GRAMD1B: variants seen among roughly 807,000 people sequenced by gnomAD.
The protein encoded by GRAMD1B is protein Aster-B.
A neutral mutation model predicts 99.7 loss-of-function variants in GRAMD1B; 37 were observed. The observed-to-expected ratio is 0.37, with a 90% CI of 0.29 to 0.49. GRAMD1B has a LOEUF of 0.49. Ranked by LOEUF, GRAMD1B falls within the 20% of genes least tolerant of loss-of-function variation. The probability of loss-of-function intolerance (pLI) is 0.98; values close to 1 mark genes in which losing one functional copy is unlikely to be tolerated. For missense variants in GRAMD1B, 888 were observed against 1,009.2 expected, an observed-to-expected ratio of 0.88 and a Z score of 1.63; for synonymous variants, 427 against 387.6, an observed-to-expected ratio of 1.10 and a Z score of -1.19.
chr11:123,467,493 C>T (rs933301389), intron 1 of GRAMD1B, among the ~76,000 whole-genome samples: 3 of 145,188 alleles, frequency 2.1e-5, no homozygotes, highest in Non-Finnish European at 1.5e-5. Flanking sequence ...CGCTGTCAGG[C>T]TTGAGATGCA....
At chr11:123,447,522 A>G (rs534862425) in intron 1 of GRAMD1B, among the ~76,000 whole-genome samples, 1 of 152,272 alleles carries the variant, frequency 6.6e-6, no homozygotes, top group South Asian at 2.1e-4. Context: ...TTTTCCTAGG[A>G]CGACTGCCCC....
At chr11:123,511,572 C>T (rs1286290588) in intron 2 of GRAMD1B, among the ~76,000 whole-genome samples, 4 of 152,102 alleles carry the variant, frequency 2.6e-5, no homozygotes, top group Non-Finnish European at 4.4e-5. Flanking sequence ...CAGCCCCAAC[C>T]CCAGCTCCAG....
Position 123,492,861 on chromosome 11 carries a change from CACAT to C in GRAMD1B, c.452+11972_452+11975del, listed in dbSNP as rs1455931465. ...TCTCTCTCTCTGTCTCTCTCTTTCA[CACAT>C]ACACACACACACACACACACACACA... On this transcript the variant is annotated intron_variant, in intron 2 of 19. Coordinates refer to ENST00000635736, the MANE Select transcript of GRAMD1B (RefSeq NM_001387025.1). The surrounding 1 kb of genome is among the most constrained non-coding windows in gnomAD (Gnocchi z 4.2). Among the ~76,000 whole-genome samples, 39 of 137,646 alleles carry C rather than the reference CACAT, an allele frequency of 2.8e-4. No homozygotes were observed. The highest frequency in any genetic ancestry group is 9.3e-4 in the South Asian group (4 of 4,288). The allele number at this position is 137,646 out of a possible 152,430, so 90.3% of individuals were successfully genotyped here.
Position 123,611,914 on chromosome 11 carries a change from A to G in GRAMD1B, c.1920-847A>G, listed in dbSNP as rs114746653. 4.1e-3 allele frequency among the ~76,000 whole-genome samples: 618 copies of G among 152,180 alleles called. 4 individuals are homozygous for G. The highest frequency in any genetic ancestry group is 0.014 in the African/African-American group (581 of 41,516). On this transcript the variant is annotated intron_variant, in intron 14 of 19. Coordinates refer to ENST00000635736, the MANE Select transcript of GRAMD1B (RefSeq NM_001387025.1). ...TCTATTGACAGATGCAGATGAACCT[A>G]AGGGGGAGGCAAAGAGCAGGGCTGC...
intron 3 of GRAMD1B, among the ~76,000 whole-genome samples, chr11:123,578,631 C>A (rs1003540861): frequency 6.6e-6 from 1 of 152,142 alleles, no homozygotes; most frequent in African/African-American, 2.4e-5. Context: ...CACCTGATGT[C>A]GGAGAACAGA....
chr11:123,493,588 G>A (rs866083090), intron 2 of GRAMD1B, among the ~76,000 whole-genome samples: 1 of 152,332 alleles, frequency 6.6e-6, no homozygotes, highest in Middle Eastern at 3.4e-3. Context: ...TGGCAGTTGT[G>A]TGGACGGGCT....
rs906794717 is a variant in GRAMD1B, at chr11:123,610,957, C to T, written c.1919+619C>T. ...TCCAAAGGAAGGAAGACATTTAGACCCTGACATTTTAAGAAACTTGTAGTC... is the reference window on the plus strand; with the variant it reads ...TCCAAAGGAAGGAAGACATTTAGACTCTGACATTTTAAGAAACTTGTAGTC... On this transcript the variant is annotated intron_variant, in intron 14 of 19. Coordinates refer to ENST00000635736, the MANE Select transcript of GRAMD1B (RefSeq NM_001387025.1). The surrounding 1 kb of genome is among the most constrained non-coding windows in gnomAD (Gnocchi z 4.1). 2.6e-5 allele frequency among the ~76,000 whole-genome samples: 4 copies of T among 152,136 alleles called. No individual in the cohort carries two copies. The highest frequency in any genetic ancestry group is 9.7e-5 in the African/African-American group (4 of 41,426).
chr11:123,451,465 T>C (rs1410411044), intron 1 of GRAMD1B, among the ~76,000 whole-genome samples: 1 of 152,222 alleles, frequency 6.6e-6, no homozygotes, highest in Admixed American at 6.5e-5. Context: ...CTTTCTTTGT[T>C]GTACCATACG....
intron 2 of GRAMD1B, among the ~76,000 whole-genome samples, chr11:123,500,041 A>C (rs552285714): frequency 1.6e-4 from 25 of 152,130 alleles, no homozygotes; most frequent in South Asian, 6.2e-4. Flanking sequence ...AAATAAGGGT[A>C]TTTTGGCCGG....
At chr11:123,428,343 C>T (rs1340061219), upstream of GRAMD1B, among the ~76,000 whole-genome samples, 1 of 152,294 alleles carries the variant, frequency 6.6e-6, no homozygotes, top group South Asian at 2.1e-4. Context: ...GAAGAGGTGA[C>T]CTTGGCAGGC....
At chr11:123,441,367 G>A (rs2134267109) in intron 1 of GRAMD1B, among the ~76,000 whole-genome samples, 1 of 152,256 alleles carries the variant, frequency 6.6e-6, no homozygotes, top group African/African-American at 2.4e-5. Flanking sequence ...GCCGGGTGTG[G>A]TGGTTCACGC....
At chr11:123,359,879 A>G (rs950868151) in intron 1 of GRAMD1B, among the ~76,000 whole-genome samples, 3 of 152,206 alleles carry the variant, frequency 2.0e-5, no homozygotes, top group Non-Finnish European at 2.9e-5. Flanking sequence ...TCCTCTGCCA[A>G]CGCCTACATG....
chr11:123,580,612 C>T (rs1010253814), intron 3 of GRAMD1B, among the ~76,000 whole-genome samples: 4 of 152,186 alleles, frequency 2.6e-5, no homozygotes, highest in Admixed American at 1.3e-4. Flanking sequence ...CGCTAAGGCC[C>T]GACCCCTCTG....
At chr11:123,595,059 G>C (rs567256650) in intron 6 of GRAMD1B, among the ~76,000 whole-genome samples, 73 of 152,278 alleles carry the variant, frequency 4.8e-4, no homozygotes, top group African/African-American at 1.7e-3. Context: ...GTGGAAGAGA[G>C]GACTGGGAAC....
rs150548700 is a variant in GRAMD1B at position 123,611,123 on chromosome 11, G to A, written c.1919+785G>A. On this transcript the variant is annotated intron_variant, in intron 14 of 19. Coordinates refer to ENST00000635736, the MANE Select transcript of GRAMD1B (RefSeq NM_001387025.1). ...AAAGTTTAGTAAAAGGTCGCACAGA[G>A]ATCTCTTGGGCTTCAAGAAGTGCGC... Among the ~76,000 whole-genome samples, 4 of 152,318 alleles carry A rather than the reference G, an allele frequency of 2.6e-5. No individual in the cohort carries two copies. The East Asian group carries it at 7.7e-4, about 29-fold the overall frequency.
chr11:123,545,125 C>T lies in GRAMD1B; in HGVS notation c.453-32242C>T, dbSNP rs148930601. The stretch of plus-strand genomic sequence containing the variant: ...AATTGCCTCACAGCCACCAGCTCCC[C>T]TCCTCCAGGGCAGCCGCCCCGGTGC... On this transcript the variant is annotated intron_variant, in intron 2 of 19. Coordinates refer to ENST00000635736, the MANE Select transcript of GRAMD1B (RefSeq NM_001387025.1). 4.5e-3 allele frequency among the ~76,000 whole-genome samples: 690 copies of T among 152,320 alleles called. 8 individuals carry two copies. The highest frequency in any genetic ancestry group is 0.014 in the African/African-American group (589 of 41,568).
intron 1 of GRAMD1B, among the ~76,000 whole-genome samples, chr11:123,365,186 A>G (rs1367591485): frequency 6.6e-6 from 1 of 152,116 alleles, no homozygotes; most frequent in African/African-American, 2.4e-5. Flanking sequence ...CCAATGTTCT[A>G]TTTTTAAACT....
chr11:123,549,123 G>A (rs1296122326), intron 2 of GRAMD1B, among the ~76,000 whole-genome samples: 2 of 152,222 alleles, frequency 1.3e-5, no homozygotes, highest in South Asian at 2.1e-4. Flanking sequence ...GGGTTCGGCA[G>A]TGCACAGCCG....
At chr11:123,622,366 T>C (rs1955230754) in intron 19 of GRAMD1B, 140 bp from the exon 20 acceptor site, 2 of 618,948 alleles carry the variant, frequency 3.2e-6, no homozygotes, top group African/African-American at 3.7e-5. Flanking sequence ...GAACCACCCT[T>C]GCTTTAGGTG....
Sources: gnomAD v4.1 joint callset for allele counts (sites outside exome capture counted in the v4.1 genomes callset) on GRCh38, gnomAD v4.1.1 for gene constraint, Gnocchi (gnomAD v3.1) non-coding constraint, MANE v1.5 for transcripts, NCBI Gene and HGNC (gene_info 2026-07-23, HGNC 2026-07-21) for gene names.